RYR3: variants seen among roughly 807,000 people sequenced by gnomAD.
The protein encoded by RYR3 is ryanodine receptor 3, also known as brain ryanodine receptor-calcium release channel.
RYR3 carries 207 observed loss-of-function variants against 584.3 expected under a neutral mutation model. The ratio of observed to expected loss-of-function variants is 0.35; its 90% CI spans 0.32 to 0.40. RYR3 has a LOEUF of 0.40. Ranked by LOEUF, RYR3 falls within the 10% of genes least tolerant of loss-of-function variation. The pLI is 1.00. For missense variants in RYR3, 5,616 were observed against 6,089.2 expected, an observed-to-expected ratio of 0.92 and a Z score of 2.59; for synonymous variants, 2,416 against 2,248.5, an observed-to-expected ratio of 1.07 and a Z score of -2.11.
intron 32 of RYR3, among the ~76,000 whole-genome samples, chr15:33,656,319 T>C (rs2062821283): frequency 6.6e-6 from 1 of 152,208 alleles, no homozygotes; most frequent in Non-Finnish European, 1.5e-5. Context: ...GCGCAATCCA[T>C]GGGCATGTAA....
Position 33,662,590 on chromosome 15 carries a change from C to T in RYR3, c.5060C>T (p.Pro1687Leu), listed in dbSNP as rs781426462. The T allele has an allele frequency of 6.2e-7, 1 of 1,613,988 alleles. No individual in the cohort carries two copies. The highest frequency in any genetic ancestry group is 1.1e-5 in the South Asian group (1 of 91,078). The change falls in exon 35 of 104, where the codon CCC becomes CTC. Residue 1687 changes from proline to leucine, a missense_variant. Around this residue, in one of 9 missense-constraint regions of RYR3, gnomAD observed 753 missense variants for 741.0 expected, o/e 1.02. Transcript: ENST00000634891. ...EDHQKQSPEI[P>L]LESLRTKALS... ...CACCAAAAGCAGAGCCCCGAGATTC[C>T]CTTGGAGAGTCTCAGGACGAAGGCT...
intron 12 of RYR3, among the ~76,000 whole-genome samples, chr15:33,574,163 C>T (rs924325053): frequency 6.6e-6 from 1 of 152,170 alleles, no homozygotes; most frequent in African/African-American, 2.4e-5. Context: ...TTCCAACTCC[C>T]TGTGTGGTGC....
rs2063222265 is a variant in RYR3 at position 33,662,453 on chromosome 15, C to T, written c.4923C>T (p.Arg1641=). The T allele has an allele frequency of 6.2e-7, 1 of 1,614,020 alleles. No homozygotes were observed. The highest frequency in any genetic ancestry group is 8.5e-7 in the Non-Finnish European group (1 of 1,179,898). The change falls in exon 35 of 104, where the codon CGC becomes CGT. Residue 1641 remains arginine, a synonymous_variant. Transcript: ENST00000634891. ...TTACCAGCACCACCAGGAATATCCG[C>T]CTCTTCCCGGACGAGTCCAAGAGGC... is the stretch of plus-strand genomic sequence containing the variant. The part of the protein sequence containing the change: ...IPITSTTRNI[R]LFPDESKRHG...
chr15:33,764,997 C>G (rs1401215802), intron 60 of RYR3, among the ~76,000 whole-genome samples: 7 of 134,908 alleles, frequency 5.2e-5, no homozygotes, highest in African/African-American at 1.2e-4. Flanking sequence ...TGCCACTGCA[C>G]TCCAGCCTGG....
chr15:33,728,955 C>G lies in RYR3; in HGVS notation c.7132C>G (p.Gln2378Glu), dbSNP rs747930858. ...FLDRVYGIKD[Q>E]TFLLHLLEVG... ...GGACCGCGTTTATGGCATTAAGGAT[C>G]AAACTTTTCTGCTCCACTTGCTGGA... The change falls in exon 47 of 104, where the codon CAA becomes GAA. Residue 2378 changes from glutamine to glutamate, a missense_variant. Coordinates refer to ENST00000634891, the MANE Select transcript of RYR3 (RefSeq NM_001036.6). 6.2e-7 allele frequency: 1 copy of G among 1,613,954 alleles called. No homozygotes were observed. Among genetic ancestry groups the G allele is most frequent in the South Asian group, 1.1e-5 (1 of 91,054 alleles).
chr15:33,461,070 G>A lies in RYR3; in HGVS notation c.52-12349G>A, dbSNP rs182733442. On this transcript the variant is annotated intron_variant, in intron 1 of 103. Transcript: ENST00000634891. ...CGCCATTCTCCTGCCTCAGCCTCCC[G>A]AGTAGCTGTAACTACAGGCACCCGC... Among the ~76,000 whole-genome samples the A allele has an allele frequency of 2.4e-3, 351 of 148,142 alleles. 2 individuals carry two copies. Among genetic ancestry groups the A allele is most frequent in the Non-Finnish European group, 2.4e-3 (165 of 67,466 alleles).
chr15:33,346,967 G>A (rs1972536097), intron 1 of RYR3, among the ~76,000 whole-genome samples: 1 of 152,190 alleles, frequency 6.6e-6, no homozygotes, highest in Admixed American at 6.5e-5. Flanking sequence ...AGCTGGGCAT[G>A]GTGGTGGACA....
At chr15:33,818,451 G>T in intron 75 of RYR3, 127 bp from the exon 76 acceptor site, 2 of 655,008 alleles carry the variant, frequency 3.1e-6, no homozygotes, top group South Asian at 1.9e-5. Flanking sequence ...ATGACGTAGT[G>T]GTTTTGTTTT....
chr15:33,396,789 T>G (rs2042326161), intron 1 of RYR3, among the ~76,000 whole-genome samples: 1 of 152,094 alleles, frequency 6.6e-6, no homozygotes, highest in Admixed American at 6.5e-5. Flanking sequence ...GTGACCCAGG[T>G]CTAGGGAGAT....
At chr15:33,601,274 G>T in intron 16 of RYR3, 145 bp from the exon 17 acceptor site, 1 of 745,410 alleles carries the variant, frequency 1.3e-6, no homozygotes, top group Non-Finnish European at 2.2e-6. Context: ...TGGGTAAGAG[G>T]CAAAGCTTCC....
chr15:33,805,578 C>T (rs1474247841), intron 69 of RYR3, among the ~76,000 whole-genome samples: 12 of 151,680 alleles, frequency 7.9e-5, no homozygotes, highest in African/African-American at 2.4e-4. Context: ...CCCTGGTTCA[C>T]ACCATTCTCC....
intron 16 of RYR3, among the ~76,000 whole-genome samples, chr15:33,600,399 G>T (rs867477388): frequency 6.6e-6 from 1 of 152,054 alleles, no homozygotes; most frequent in Non-Finnish European, 1.5e-5. Context: ...TGCTGTTTGC[G>T]CATTCCTCTC....
intron 28 of RYR3, among the ~76,000 whole-genome samples, chr15:33,646,080 C>T (rs185818012): frequency 6.6e-6 from 1 of 152,216 alleles, no homozygotes; most frequent in Non-Finnish European, 1.5e-5. Flanking sequence ...ATGCCACCCC[C>T]CTCTGGCATT....
intron 18 of RYR3, among the ~76,000 whole-genome samples, chr15:33,608,584 G>A (rs2060020317): frequency 6.6e-6 from 1 of 152,150 alleles, no homozygotes; most frequent in African/African-American, 2.4e-5. Flanking sequence ...TATCCAAATA[G>A]TCTTCCCAGG....
In RYR3 at chr15:33,865,731, G is replaced by GA. The variant is rs1320551877; in HGVS notation, c.*512dup. On this transcript the variant is annotated 3_prime_UTR_variant, in exon 104 of 104. Transcript: ENST00000634891. Reference sequence around the variant, plus strand: ...AAAGCTTTAAGCAGTTAAAGAAACAGAAAAAAACCGACACTTTGTCGACAC... The same window carrying GA: ...AAAGCTTTAAGCAGTTAAAGAAACAGAAAAAAAACCGACACTTTGTCGACAC... 6.5e-6 allele frequency: 1 copy of GA among 153,112 alleles called. No homozygotes were observed. The highest frequency in any genetic ancestry group is 1.5e-5 in the Non-Finnish European group (1 of 68,580). 9.5% of individuals were successfully genotyped at this position (153,112 alleles called of 1,614,324 possible). A position where few individuals can be genotyped will look rare whatever the true frequency, so the allele number is the denominator to read the frequency against.
chr15:33,471,594 T>TAAAAA (rs3084420), intron 1 of RYR3, among the ~76,000 whole-genome samples: 11 of 142,168 alleles, frequency 7.7e-5, no homozygotes, highest in African/African-American at 2.6e-4. Context: ...CATGCCTTTG[T>TAAAAA]AAAAAAAAAA....
intron 48 of RYR3, 122 bp from the exon 49 acceptor site, chr15:33,736,113 T>C (rs927975314): frequency 3.3e-6 from 2 of 612,422 alleles, no homozygotes; most frequent in African/African-American, 3.7e-5. Context: ...TCCGAGATCT[T>C]GTGTATTAGG....
intron 91 of RYR3, 69 bp downstream of exon 91, chr15:33,842,104 G>A (rs140041680): frequency 0.011 from 16,392 of 1,493,460 alleles, 123 homozygotes; most frequent in Non-Finnish European, 0.012. Context: ...GAGAGGTGCC[G>A]CTGATTTGTT....
At chr15:33,659,970 T>C (rs1300124589) in intron 33 of RYR3, among the ~76,000 whole-genome samples, 164 bp downstream of exon 33, 1 of 152,202 alleles carries the variant, frequency 6.6e-6, no homozygotes, top group African/African-American at 2.4e-5. Flanking sequence ...TGGTAGAATA[T>C]GCATTCTTAT....
Sources: allele counts gnomAD v4.1 joint callset (sites outside exome capture counted in the v4.1 genomes callset), GRCh38; gene constraint gnomAD v4.1.1; regional missense constraint gnomAD v4.1.1; transcripts MANE v1.5; gene names NCBI Gene and HGNC (gene_info 2026-07-23, HGNC 2026-07-21).